The following DLL1 variants were observed in gnomAD, a reference collection of about 807,000 sequenced individuals.
DLL1 encodes the protein delta like canonical Notch ligand 1, also known as delta-like protein 1.
A neutral mutation model predicts 75.1 loss-of-function variants in DLL1; 9 were observed. That is an observed-to-expected ratio of 0.12 (90% confidence interval 0.07 to 0.21). DLL1 has a LOEUF of 0.21. Ranked by LOEUF, DLL1 falls within the 10% of genes least tolerant of loss-of-function variation. DLL1 has a pLI of 1.00. For synonymous variants in DLL1, 477 were observed against 418.3 expected, an observed-to-expected ratio of 1.14 and a Z score of -1.71; for missense variants, 837 against 1,007.6, an observed-to-expected ratio of 0.83 and a Z score of 2.29.
intron 5 of DLL1, among the ~76,000 whole-genome samples, 168 bp downstream of exon 5, chr6:170,286,070 T>C (rs1783688837): frequency 6.6e-6 from 1 of 152,252 alleles, no homozygotes; most frequent in Admixed American, 6.5e-5. Context: ...TGACCTTACA[T>C]GCTGCCAAAC....
chr6:170,283,598 C>CCAG lies in DLL1; in HGVS notation c.1678_1680dup (p.Leu560dup), dbSNP rs1333858983. The CCAG allele has an allele frequency of 3.1e-6, 5 of 1,612,336 alleles. No homozygotes were observed. Among genetic ancestry groups the CCAG allele is most frequent in the Non-Finnish European group, 3.4e-6 (4 of 1,179,660 alleles). On this transcript the variant is annotated inframe_insertion, in exon 9 of 11. Transcript: ENST00000366756. ...ACGCAGACCACCACAGCGGCACAGC[C>CCAG]CAGCAGCAGCATGAGGACAAGGATG...
In DLL1 at chr6:170,283,931, A is replaced by T; in HGVS notation, c.1348T>A (p.Ser450Thr). 1 of 1,597,358 alleles carries T rather than the reference A, an allele frequency of 6.3e-7. No homozygotes were observed. The highest frequency in any genetic ancestry group is 8.5e-7 in the Non-Finnish European group (1 of 1,175,176). The change falls in exon 9 of 11, where the codon TCC (serine) becomes ACC (threonine). Residue 450 changes from serine to threonine, a missense_variant. Ser to Thr is a moderately conservative substitution (Grantham distance 58, BLOSUM62 1). Transcript: ENST00000366756. Reference protein sequence around the residue: ...CDDNVDDCASSPCANGGTCRD... With the variant: ...CDDNVDDCASTPCANGGTCRD... ...CAGGTGCCCCCGTTGGCGCACGGGG[A>T]GGAGGCGCAGTCGTCCACGTTGTCG...
At chr6:170,286,908 G>A (rs372233536) in intron 4 of DLL1, among the ~76,000 whole-genome samples, 70 of 152,306 alleles carry the variant, frequency 4.6e-4, no homozygotes, top group African/African-American at 1.3e-3. Flanking sequence ...TGGCACGCGC[G>A]AGCTGGGGGC....
chr6:170,284,180 G>A, intron 8 of DLL1, 151 bp from the exon 9 acceptor site: 1 of 1,035,038 alleles, frequency 9.7e-7, no homozygotes, highest in Non-Finnish European at 1.4e-6. Context: ...AAGGTGACAT[G>A]GTTTAGGACC....
Position 170,283,323 on chromosome 6 carries a change from G to A in DLL1, c.1956C>T (p.Thr652=), listed in dbSNP as rs140596420. Reference sequence around the variant, plus strand: ...GCTTGCTGTGCGCGTCCCTGACGGCGGTGTCGTCACCCTTGAGGTCCTGCA... The same window carrying A: ...GCTTGCTGTGCGCGTCCCTGACGGCAGTGTCGTCACCCTTGAGGTCCTGCA... ...NLVQDLKGDD[T]AVRDAHSKRD... is the part of the protein sequence containing the mutation. The change falls in exon 9 of 11, where the codon ACC becomes ACT. Residue 652 remains threonine (T), a synonymous_variant. Transcript: ENST00000366756. 1.3e-4 allele frequency: 211 copies of A among 1,613,102 alleles called. 1 individual carries two copies. The highest frequency in any genetic ancestry group is 7.6e-4 in the South Asian group (69 of 91,086).
At position 170,285,442 on chromosome 6, in the gene DLL1, G is replaced by A. The variant is rs1783676890; in HGVS notation, c.863-19C>T. ...TTCAGGTCTGTGAAGGGTGGGGACA[G>A]GAAAAGTAGGAGATAGGAAGCTCGA... On this transcript the variant is annotated intron_variant, in intron 6 of 10. Transcript: ENST00000366756. The A allele has an allele frequency of 6.2e-7, 1 of 1,614,196 alleles. No individual in the cohort carries two copies. Among genetic ancestry groups the A allele is most frequent in the African/African-American group, 1.3e-5 (1 of 75,056 alleles).
At position 170,284,014 on chromosome 6, in the gene DLL1, T is replaced by G. The variant is rs1174586056; in HGVS notation, c.1265A>C (p.Asp422Ala). 6.4e-7 allele frequency: 1 copy of G among 1,574,384 alleles called. No homozygotes were observed. Among genetic ancestry groups the G allele is most frequent in the Non-Finnish European group, 8.6e-7 (1 of 1,167,398 alleles). The change falls in exon 9 of 11, where the codon GAC becomes GCC. Residue 422 changes from aspartate (D) to alanine (A), a missense_variant. Physicochemically the swap from Asp to Ala is moderately radical, Grantham distance 126. Around this residue, in one of 2 missense-constraint regions of DLL1, gnomAD observed 533 missense variants for 545.7 expected, o/e 0.98. Coordinates refer to ENST00000366756, the MANE Select transcript of DLL1 (RefSeq NM_005618.4). Reference sequence around the variant, plus strand: ...GCGGCACAGGTAGGCATCACCGAGGTCCACACACTTGGCACCTGGAACACA... The same window carrying G: ...GCGGCACAGGTAGGCATCACCGAGGGCCACACACTTGGCACCTGGAACACA... ...SPCSNGAKCV[D>A]LGDAYLCRCQ...
chr6:170,286,125 A>C, intron 5 of DLL1, 113 bp downstream of exon 5: 1 of 1,325,976 alleles, frequency 7.5e-7, no homozygotes, highest in Middle Eastern at 1.8e-4. Context: ...TGTTCAATCA[A>C]TCTTACTGGA....
At chr6:170,289,265 CG>C (rs1328690693) in intron 2 of DLL1, 1 of 672,046 alleles carries the variant, frequency 1.5e-6, no homozygotes, top group East Asian at 2.9e-5. Context: ...GGAAATCTCC[CG>C]GGCGCGCTCG....
At chr6:170,284,315 T>C (rs1004938029) in intron 8 of DLL1, among the ~76,000 whole-genome samples, 2 of 152,040 alleles carry the variant, frequency 1.3e-5, no homozygotes, top group African/African-American at 2.4e-5. Flanking sequence ...GGCAAGAGCA[T>C]GTGCCACTCG....
In DLL1 at chr6:170,283,445, T is replaced by A; in HGVS notation, c.1834A>T (p.Ile612Phe). 1 of 1,612,252 alleles carries A rather than the reference T, an allele frequency of 6.2e-7. No homozygotes were observed. The highest frequency in any genetic ancestry group is 8.5e-7 in the Non-Finnish European group (1 of 1,180,032). The change falls in exon 9 of 11, where the codon ATC (isoleucine) becomes TTC (phenylalanine). Residue 612 changes from isoleucine (I) to phenylalanine (F), a missense_variant. By Grantham distance (21) the Ile-to-Phe change is conservative. Coordinates refer to ENST00000366756, the MANE Select transcript of DLL1 (RefSeq NM_005618.4). ...TCCGCCTTCTTGTTGGTGTTCTTGA[T>A]CTGCGTGGCCCCGATGATGCTGACT... ...ISVSIIGATQ[I>F]KNTNKKADFH...
chr6:170,284,368 C>T (rs1783648073), intron 8 of DLL1, among the ~76,000 whole-genome samples: 1 of 152,144 alleles, frequency 6.6e-6, no homozygotes, highest in African/African-American at 2.4e-5. Flanking sequence ...ACGAGGGTGT[C>T]CTTGCCCACA....
chr6:170,283,447 T>C lies in DLL1; in HGVS notation c.1832A>G (p.Gln611Arg), dbSNP rs975249922. Reference sequence around the variant, plus strand: ...CGCCTTCTTGTTGGTGTTCTTGATCTGCGTGGCCCCGATGATGCTGACTGA... The same window carrying C: ...CGCCTTCTTGTTGGTGTTCTTGATCCGCGTGGCCCCGATGATGCTGACTGA... The part of the protein sequence containing the change: ...DISVSIIGAT[Q>R]IKNTNKKADF... Residue 611 changes from glutamine (Q) to arginine (R), a missense_variant, in exon 9 of 11, where the codon CAG becomes CGG. Coordinates refer to ENST00000366756, the MANE Select transcript of DLL1 (RefSeq NM_005618.4). The C allele has an allele frequency of 6.2e-7, 1 of 1,612,346 alleles. No homozygotes were observed. The highest frequency in any genetic ancestry group is 8.5e-7 in the Non-Finnish European group (1 of 1,180,036).
chr6:170,287,037 G>A (rs1783717356), intron 4 of DLL1, among the ~76,000 whole-genome samples: 1 of 152,248 alleles, frequency 6.6e-6, no homozygotes, highest in Non-Finnish European at 1.5e-5. Flanking sequence ...GCAGGGCAGG[G>A]AGTAGACAGT....
At chr6:170,289,412 C>T (rs376346290) in intron 2 of DLL1, 100 bp downstream of exon 2, 19 of 1,495,644 alleles carry the variant, frequency 1.3e-5, no homozygotes, top group Non-Finnish European at 1.6e-5. Flanking sequence ...TCGCGGGGTC[C>T]CCGAGGTCCC....
rs551417436 is a variant in DLL1, at chr6:170,290,171, C to T, written c.-32G>A. ...TCGCTCCACGCGCGAGCCTGGGGGG[C>T]CCCCACTTCTCTCCTTAGAACAGCG... On this transcript the variant is annotated 5_prime_UTR_variant, in exon 1 of 11. Transcript: ENST00000366756. The surrounding 1 kb of genome is among the most constrained non-coding windows in gnomAD (Gnocchi z 4.7). The T allele has an allele frequency of 3.8e-6, 6 of 1,586,290 alleles. No individual in the cohort carries two copies. In the South Asian group the frequency reaches 4.5e-5, roughly 12 times the overall value.
At position 170,283,232 on chromosome 6, in the gene DLL1, C is replaced by A. The variant is rs1167703052; in HGVS notation, c.2047G>T (p.Gly683Cys). 18 of 1,612,694 alleles carry A rather than the reference C, an allele frequency of 1.1e-5. No homozygotes were observed. Among genetic ancestry groups the A allele is most frequent in the Non-Finnish European group, 1.5e-5 (18 of 1,179,868 alleles). ...EEKGTPTTLR[G>C]GEASERKRPD... The stretch of plus-strand genomic sequence containing the variant: ...TGATGCCCGGCCCGCAGCACGCACC[C>A]CCTGAGTGTGGTCGGGGTCCCCTTC... Residue 683 changes from glycine to cysteine, a missense_variant and splice_region_variant, in exon 9 of 11, where the codon GGT (glycine) becomes TGT (cysteine). Coordinates refer to ENST00000366756, the MANE Select transcript of DLL1 (RefSeq NM_005618.4).
At chr6:170,286,981 A>G (rs1196225436) in intron 4 of DLL1, among the ~76,000 whole-genome samples, 1 of 152,136 alleles carries the variant, frequency 6.6e-6, no homozygotes, top group Non-Finnish European at 1.5e-5. Context: ...TGGTGAAGAG[A>G]GGCAGGGAGG....
In DLL1 at chr6:170,283,481, T is replaced by C; in HGVS notation, c.1798A>G (p.Lys600Glu). ...MNNLANCQRE[K>E]DISVSIIGAT... The stretch of plus-strand genomic sequence containing the variant: ...CCGATGATGCTGACTGAGATGTCCT[T>C]CTCACGCTGGCAGTTGGCCAGGTTG... Residue 600 changes from lysine (K) to glutamate (E), a missense_variant, in exon 9 of 11, where the codon AAG becomes GAG. By Grantham distance (56) the Lys-to-Glu change is moderately conservative (BLOSUM62 1). Coordinates refer to ENST00000366756, the MANE Select transcript of DLL1 (RefSeq NM_005618.4). The C allele has an allele frequency of 6.2e-7, 1 of 1,613,428 alleles. No individual in the cohort carries two copies.
Sources: allele counts gnomAD v4.1 joint callset (sites outside exome capture counted in the v4.1 genomes callset), GRCh38; gene constraint gnomAD v4.1.1; regional missense constraint gnomAD v4.1.1; non-coding constraint Gnocchi (gnomAD v3.1); transcripts MANE v1.5; gene names NCBI Gene and HGNC (gene_info 2026-07-23, HGNC 2026-07-21).